TRPM1: variants seen among roughly 807,000 people sequenced by gnomAD.
TRPM1 encodes the protein transient receptor potential cation channel subfamily M member 1.
In TRPM1, 113 loss-of-function variants were observed where a neutral mutation model predicts 149.4. The observed-to-expected ratio is 0.76, with a 90% confidence interval of 0.65 to 0.88. The LOEUF is 0.88. Among genes scored for constraint, TRPM1 ranks in the 40% least tolerant of loss-of-function variants. TRPM1 has a pLI of 0.00. For missense variants in TRPM1, 1,976 were observed against 2,038.7 expected (o/e 0.97, Z 0.59); for synonymous variants, 741 against 759.5 (o/e 0.98, Z 0.40).
chr15:31,034,839 T>G (rs903177912), intron 21 of TRPM1, among the ~76,000 whole-genome samples: 5 of 152,276 alleles, frequency 3.3e-5, no homozygotes, highest in Non-Finnish European at 7.3e-5. Context: ...GCTGATGCTT[T>G]CCTATGCATT....
intron 1 of TRPM1, among the ~76,000 whole-genome samples, chr15:31,135,325 G>A (rs913422927): frequency 1.3e-5 from 2 of 151,896 alleles, no homozygotes; most frequent in Non-Finnish European, 2.9e-5. Flanking sequence ...AAAGGAGAAG[G>A]CCAAATAAAA....
At chr15:31,008,319 T>C (rs1192534524) in intron 27 of TRPM1, among the ~76,000 whole-genome samples, 6 of 152,244 alleles carry the variant, frequency 3.9e-5, no homozygotes, top group East Asian at 1.9e-4. Context: ...ATAGATTTTA[T>C]GTAAATGCCA....
At chr15:31,067,291 A>T in intron 5 of TRPM1, 104 bp from the exon 6 acceptor site, 1 of 1,519,140 alleles carries the variant, frequency 6.6e-7, no homozygotes, top group South Asian at 1.1e-5. Context: ...TTCCCTACAG[A>T]TCAGGGGTGA....
chr15:31,062,457 GTC>G (rs2034258323), intron 9 of TRPM1, 120 bp downstream of exon 9: 6 of 1,302,124 alleles, frequency 4.6e-6, no homozygotes, highest in Non-Finnish European at 6.5e-6. Context: ...CATTTGTACT[GTC>G]TCTCAGAAAA....
intron 1 of TRPM1, among the ~76,000 whole-genome samples, chr15:31,113,351 G>A (rs1044035837): frequency 1.3e-5 from 2 of 152,084 alleles, no homozygotes; most frequent in African/African-American, 2.4e-5. Flanking sequence ...GAAAGAGCCA[G>A]GGCCACCATG....
chr15:31,034,785 C>T (rs1596000314), intron 21 of TRPM1, among the ~76,000 whole-genome samples: 1 of 152,196 alleles, frequency 6.6e-6, no homozygotes, highest in Non-Finnish European at 1.5e-5. Context: ...AAAATTTGTG[C>T]CCAGTTGCGG....
intron 20 of TRPM1, 41 bp from the exon 21 acceptor site, chr15:31,035,715 A>C (rs1302756183): frequency 6.2e-7 from 1 of 1,614,026 alleles, no homozygotes; most frequent in Admixed American, 1.7e-5. Flanking sequence ...TGGGGGAATC[A>C]CATAGCAATC....
chr15:31,025,940 C>A (rs1393057737), intron 27 of TRPM1, among the ~76,000 whole-genome samples, 199 bp downstream of exon 27: 2 of 152,246 alleles, frequency 1.3e-5, no homozygotes, highest in Admixed American at 1.3e-4. Flanking sequence ...AAATGTCATT[C>A]CCTTCTATAT....
chr15:31,117,127 A>C (rs1356675586), intron 1 of TRPM1, among the ~76,000 whole-genome samples: 1 of 152,194 alleles, frequency 6.6e-6, no homozygotes, highest in Non-Finnish European at 1.5e-5. Flanking sequence ...AGGTGGGTGG[A>C]TCATCTGAGG....
intron 1 of TRPM1, among the ~76,000 whole-genome samples, chr15:31,126,001 G>A (rs939356243): frequency 1.3e-4 from 19 of 151,378 alleles, no homozygotes; most frequent in African/African-American, 3.9e-4. Flanking sequence ...GCATGGTGGC[G>A]GGCACCCGTA....
At chr15:31,090,064 A>G (rs1335059372) in intron 1 of TRPM1, among the ~76,000 whole-genome samples, 1 of 152,236 alleles carries the variant, frequency 6.6e-6, no homozygotes, top group Non-Finnish European at 1.5e-5. Flanking sequence ...ATTGAAACAA[A>G]AAAGTGATTA....
chr15:31,157,605 G>A (rs2036394198), intron 1 of TRPM1, among the ~76,000 whole-genome samples: 1 of 152,138 alleles, frequency 6.6e-6, no homozygotes, highest in Non-Finnish European at 1.5e-5. Flanking sequence ...ATGAGTACTT[G>A]GAGGTCTTTC....
In TRPM1 at chr15:31,001,862, T is replaced by A. The variant is rs753089696; in HGVS notation, c.4838A>T (p.Lys1613Met). 1.1e-5 allele frequency: 17 copies of A among 1,613,116 alleles called. No homozygotes were observed. The highest frequency in any genetic ancestry group is 1.4e-5 in the Non-Finnish European group (17 of 1,179,980). ...IVSGMTAEEK[K>M]VKKEKASTET... ...TGTGGAAGCTTTCTCTTTCTTAACCTTTTTTTCTTCTGCTGTCATTCCAGA... is the reference window on the plus strand; with the variant it reads ...TGTGGAAGCTTTCTCTTTCTTAACCATTTTTTCTTCTGCTGTCATTCCAGA... The change falls in exon 28 of 28, where the codon AAG becomes ATG. Residue 1613 changes from lysine to methionine, a missense_variant. Physicochemically the swap from Lys to Met is moderately conservative, Grantham distance 95. Transcript: ENST00000256552.
In TRPM1 at chr15:31,002,109, G is replaced by T. The variant is rs200797987; in HGVS notation, c.4591C>A (p.His1531Asn). Residue 1531 changes from histidine to asparagine, a missense_variant, in exon 28 of 28, where the codon CAC becomes AAC. Transcript: ENST00000256552. ...KEQFADMQDE[H>N]HVAEAIPRIP... ...CGAGGAATTGCTTCAGCGACATGGT[G>T]TTCATCTTGCATATCTGCAAACTGC... 2.8e-5 allele frequency: 45 copies of T among 1,614,116 alleles called. No homozygotes were observed. Among genetic ancestry groups the T allele is most frequent in the Non-Finnish European group, 3.7e-5 (44 of 1,180,044 alleles).
intron 24 of TRPM1, 51 bp downstream of exon 24, chr15:31,029,320 A>G (rs767901045): frequency 6.3e-7 from 1 of 1,586,206 alleles, no homozygotes; most frequent in East Asian, 2.2e-5. Context: ...GGAAAAGGTA[A>G]TTGAAAAACA....
intron 1 of TRPM1, among the ~76,000 whole-genome samples, chr15:31,119,793 T>G (rs528909721): frequency 1.4e-4 from 21 of 152,300 alleles, no homozygotes; most frequent in African/African-American, 5.1e-4. Flanking sequence ...ATAGTGTTAA[T>G]TGAAAGTGGG....
At chr15:31,042,509 C>T (rs1185485803) in intron 16 of TRPM1, among the ~76,000 whole-genome samples, 1 of 152,186 alleles carries the variant, frequency 6.6e-6, no homozygotes, top group East Asian at 1.9e-4. Context: ...ACTTAGAAGC[C>T]TTTAACTGAG....
chr15:31,158,034 A>G (rs982607748), intron 1 of TRPM1, among the ~76,000 whole-genome samples: 1 of 152,172 alleles, frequency 6.6e-6, no homozygotes, highest in Admixed American at 6.5e-5. Context: ...CTGTATGCTC[A>G]TGTGATTTCA....
intron 27 of TRPM1, among the ~76,000 whole-genome samples, chr15:31,004,992 C>T (rs542003119): frequency 6.6e-6 from 1 of 152,134 alleles, no homozygotes; most frequent in Admixed American, 6.5e-5. Flanking sequence ...ATCCCAGCTA[C>T]TTGGGAGGCT....
Sources: gnomAD v4.1 joint callset for allele counts (sites outside exome capture counted in the v4.1 genomes callset) on GRCh38, gnomAD v4.1.1 for gene constraint, MANE v1.5 for transcripts, NCBI Gene and HGNC (gene_info 2026-07-23, HGNC 2026-07-21) for gene names.